The following ZNF540 variants were observed in gnomAD, a reference collection of about 807,000 sequenced individuals.
ZNF540 encodes CTD-3064H18.6.
In ZNF540, 3 loss-of-function variants were observed where a neutral mutation model predicts 11.8. The ratio of observed to expected loss-of-function variants is 0.25; its 90% CI spans 0.12 to 0.65. The LOEUF is 0.65. ZNF540 is among the 30% of genes least tolerant of loss of function. ZNF540 has a pLI of 0.83. For synonymous variants in ZNF540, 247 were observed against 259.0 expected (o/e 0.95, Z 0.45); for missense variants, 709 against 793.1 (o/e 0.89, Z 1.27).
intron 1 of ZNF540, chr19:37,584,281 A>G (rs889950725): frequency 3.1e-6 from 2 of 639,400 alleles, no homozygotes; most frequent in Non-Finnish European, 5.1e-6. Context: ...CTTCCTCTGT[A>G]CAATAGAACA....
Position 37,612,633 on chromosome 19 carries a change from T to A in ZNF540, c.1353T>A (p.Arg451=), listed in dbSNP as rs774781232. The A allele has an allele frequency of 6.2e-6, 10 of 1,614,012 alleles. No individual in the cohort carries two copies. The highest frequency in any genetic ancestry group is 7.6e-6 in the Non-Finnish European group (9 of 1,179,974). ...CKECGKAFML[R]SVLTEHQRLH... ...AATGCGGGAAAGCCTTTATGCTTCG[T>A]TCAGTCCTTACTGAACATCAGAGAC... The change falls in exon 5 of 5, where the codon CGT becomes CGA. Residue 451 remains arginine (R), a synonymous_variant. Transcript: ENST00000316433.
intron 1 of ZNF540, among the ~76,000 whole-genome samples, chr19:37,576,862 C>T (rs1374571365): frequency 6.6e-6 from 1 of 152,058 alleles, no homozygotes; most frequent in Non-Finnish European, 1.5e-5. Flanking sequence ...CACCAGAGTA[C>T]TACCAGCAAC....
At chr19:37,611,379 T>G in intron 4 of ZNF540, 134 bp from the exon 5 acceptor site, 1 of 665,576 alleles carries the variant, frequency 1.5e-6, no homozygotes, top group East Asian at 2.9e-5. Context: ...TATATAACTT[T>G]ATTGAAATAT....
rs140315006 is a variant in ZNF540, at chr19:37,605,217, T to C, written c.232+4112T>C. Reference sequence around the variant, plus strand: ...AGTTCATGCCTGTAATCCCGGCACTTTGGGAGGCTAAGGCAGGCGGATCGC... The same window carrying C: ...AGTTCATGCCTGTAATCCCGGCACTCTGGGAGGCTAAGGCAGGCGGATCGC... On this transcript the variant is annotated intron_variant, in intron 4 of 4. Transcript: ENST00000316433. Among the ~76,000 whole-genome samples, 938 of 152,186 alleles carry C rather than the reference T, an allele frequency of 6.2e-3. 11 individuals carry two copies. The highest frequency in any genetic ancestry group is 0.021 in the African/African-American group (885 of 41,520).
chr19:37,586,734 G>A, intron 1 of ZNF540: 2 of 1,605,104 alleles, frequency 1.2e-6, no homozygotes, highest in Non-Finnish European at 1.7e-6. Flanking sequence ...GCAAAGTCCA[G>A]AGAAGCCAGT....
chr19:37,578,368 G>A (rs1054996024), intron 1 of ZNF540, among the ~76,000 whole-genome samples: 20 of 152,264 alleles, frequency 1.3e-4, no homozygotes, highest in Admixed American at 4.6e-4. Context: ...GAGAGAGTGA[G>A]AGTCCCTGGG....
rs957316491 is a variant in ZNF540, at chr19:37,613,860, T to G, written c.*597T>G. 23 of 398,476 alleles carry G rather than the reference T, an allele frequency of 5.8e-5. No individual in the cohort carries two copies. In the Admixed American group the frequency reaches 8.4e-4, roughly 14 times the overall value. The allele number at this position is 398,476 out of a possible 1,614,324, so 24.7% of individuals were successfully genotyped here. A position where few individuals can be genotyped will look rare whatever the true frequency, so the allele number is the denominator to read the frequency against. Reference sequence around the variant, plus strand: ...ATCCCAAGGTGATGGTATTTGAAGGTAGGGCCTTTAGGAGGAAATTAGGTC... The same window carrying G: ...ATCCCAAGGTGATGGTATTTGAAGGGAGGGCCTTTAGGAGGAAATTAGGTC... On this transcript the variant is annotated 3_prime_UTR_variant, in exon 5 of 5. Coordinates refer to ENST00000316433, the MANE Select transcript of ZNF540 (RefSeq NM_001172225.3).
chr19:37,559,088 C>G (rs1386227174), intron 1 of ZNF540, among the ~76,000 whole-genome samples: 1 of 151,984 alleles, frequency 6.6e-6, no homozygotes, highest in Non-Finnish European at 1.5e-5. Context: ...CAGTGATTGC[C>G]TTGGCCTCCC....
chr19:37,552,109 C>T (rs1568332832), intron 1 of ZNF540, among the ~76,000 whole-genome samples: 3 of 152,102 alleles, frequency 2.0e-5, no homozygotes, highest in Non-Finnish European at 2.9e-5. Context: ...ATTTTATATG[C>T]TGTTATTTTT....
At chr19:37,577,514 A>T (rs1481114243) in intron 1 of ZNF540, among the ~76,000 whole-genome samples, 1 of 152,178 alleles carries the variant, frequency 6.6e-6, no homozygotes, top group African/African-American at 2.4e-5. Flanking sequence ...TATTAAGGAC[A>T]AAAAAAGCAA....
chr19:37,572,427 T>C (rs1206196170), intron 1 of ZNF540, among the ~76,000 whole-genome samples: 1 of 152,214 alleles, frequency 6.6e-6, no homozygotes, highest in East Asian at 1.9e-4. Flanking sequence ...GCTCAAGACA[T>C]GAATCATCCC....
intron 1 of ZNF540, among the ~76,000 whole-genome samples, chr19:37,562,182 A>G (rs1458995660): frequency 6.6e-6 from 1 of 152,126 alleles, no homozygotes; most frequent in East Asian, 1.9e-4. Context: ...CAGGAGTTTG[A>G]GAGCAGCCTG....
At chr19:37,570,820 A>G in intron 1 of ZNF540, among the ~76,000 whole-genome samples, 1 of 152,170 alleles carries the variant, frequency 6.6e-6, no homozygotes, top group South Asian at 2.1e-4. Flanking sequence ...TCATAGTAAA[A>G]ACAAAGGAAA....
intron 1 of ZNF540, among the ~76,000 whole-genome samples, chr19:37,582,311 T>C (rs538479946): frequency 6.6e-6 from 1 of 152,346 alleles, no homozygotes; most frequent in South Asian, 2.1e-4. Context: ...AGCGTTCCTC[T>C]TACTTGAACT....
At position 37,569,519 on chromosome 19, in the gene ZNF540, T is replaced by C. The variant is rs2042984537; in HGVS notation, c.-73+17854T>C. On this transcript the variant is annotated intron_variant, in intron 1 of 4. Coordinates refer to the ZNF540 transcript ENST00000592533. This position sits in a 1 kb window ranked among gnomAD's most constrained non-coding sequence, Gnocchi z 4.4. ...CACACTCAAACATAAAACAAGGATG[T>C]CATAAAATTATCTTTGCTATATGTA... Among the ~76,000 whole-genome samples, 1 of 152,198 alleles carries C rather than the reference T, an allele frequency of 6.6e-6. No homozygotes were observed. Among genetic ancestry groups the C allele is most frequent in the African/African-American group, 2.4e-5 (1 of 41,438 alleles).
At chr19:37,598,799 G>A (rs942953961) in intron 2 of ZNF540, among the ~76,000 whole-genome samples, 12 of 13,610 alleles carry the variant, frequency 8.8e-4, no homozygotes, top group African/African-American at 2.6e-3. Context: ...CAGATCCTGT[G>A]TCTGTAGATA....
chr19:37,557,904 C>A (rs373400951), intron 1 of ZNF540, among the ~76,000 whole-genome samples: 3 of 149,302 alleles, frequency 2.0e-5, no homozygotes, highest in African/African-American at 5.1e-5. Flanking sequence ...GCTTGGCTCG[C>A]AGACAACTTG....
chr19:37,568,082 A>C (rs1426556909), intron 1 of ZNF540, among the ~76,000 whole-genome samples: 2 of 152,208 alleles, frequency 1.3e-5, no homozygotes, highest in Non-Finnish European at 2.9e-5. Context: ...GAAGTTGAGA[A>C]ACAAGTGTAC....
chr19:37,598,679 T>C (rs984488491), intron 2 of ZNF540, among the ~76,000 whole-genome samples: 2 of 152,134 alleles, frequency 1.3e-5, no homozygotes, highest in Non-Finnish European at 2.9e-5. Flanking sequence ...GGAACAGACA[T>C]GAAGTTCCTA....
Sources: allele counts gnomAD v4.1 joint callset (sites outside exome capture counted in the v4.1 genomes callset), GRCh38; gene constraint gnomAD v4.1.1; non-coding constraint Gnocchi (gnomAD v3.1); transcripts MANE v1.5; gene names NCBI Gene and HGNC (gene_info 2026-07-23, HGNC 2026-07-21).